Variants in NOX4 observed in about 807,000 individuals in gnomAD.
NOX4 encodes NADPH oxidase 4, also known as kidney oxidase-1.
In NOX4, 69 loss-of-function variants were observed where a neutral mutation model predicts 87.6. That is an observed-to-expected ratio of 0.79 (90% CI 0.65 to 0.96). The LOEUF (loss-of-function observed/expected upper bound fraction) is 0.96. Among genes scored for constraint, NOX4 ranks in the 40% least tolerant of loss-of-function variants. NOX4 has a pLI of 0.00. For synonymous variants in NOX4, 275 were observed against 238.2 expected (o/e 1.15, Z -1.42); for missense variants, 680 against 681.5 (o/e 1.00, Z 0.02).
At chr11:89,576,109 C>A in the NOX4 span, among the ~76,000 whole-genome samples, 1 of 152,180 alleles carries the variant, frequency 6.6e-6, no homozygotes, top group Non-Finnish European at 1.5e-5. Context: ...CCAGAGATAG[C>A]AGCAGTTAGT....
At chr11:89,510,148 T>G in the NOX4 span, among the ~76,000 whole-genome samples, 1 of 152,060 alleles carries the variant, frequency 6.6e-6, no homozygotes, top group Non-Finnish European at 1.5e-5. Context: ...AAGGAGATGG[T>G]CAGGCTTTCC....
upstream of NOX4, among the ~76,000 whole-genome samples, chr11:89,491,924 C>T (rs1027604172): frequency 4.6e-5 from 7 of 152,066 alleles, no homozygotes; most frequent in African/African-American, 1.4e-4. Flanking sequence ...AACTAAAGCC[C>T]CCCTGACAGC....
chr11:89,414,097 C>G (rs1427460561), intron 8 of NOX4, among the ~76,000 whole-genome samples: 3 of 151,958 alleles, frequency 2.0e-5, no homozygotes, highest in African/African-American at 4.8e-5. Flanking sequence ...TCAGGAAGCT[C>G]TATAAAAAAC....
the NOX4 span, among the ~76,000 whole-genome samples, chr11:89,578,387 C>T: frequency 3.2e-4 from 48 of 152,262 alleles, 1 homozygote; most frequent in African/African-American, 1.1e-3. Flanking sequence ...GTCCCTATCT[C>T]TTGACCTCGT....
At chr11:89,431,565 G>C (rs1565282932) in intron 7 of NOX4, among the ~76,000 whole-genome samples, 1 of 152,258 alleles carries the variant, frequency 6.6e-6, no homozygotes, top group East Asian at 1.9e-4. Context: ...CCTCTCAAAA[G>C]AAGACATTTA....
chr11:89,347,521 A>G (rs186782461), intron 13 of NOX4, among the ~76,000 whole-genome samples: 10 of 152,338 alleles, frequency 6.6e-5, no homozygotes, highest in African/African-American at 1.4e-4. Context: ...CCTCAAAGCA[A>G]CATTAGAAGG....
the NOX4 span, among the ~76,000 whole-genome samples, chr11:89,575,600 C>T: frequency 6.6e-6 from 1 of 152,226 alleles, no homozygotes; most frequent in Admixed American, 6.5e-5. Context: ...TATAATATAA[C>T]CTCTTCTCCC....
At chr11:89,494,508 G>A (rs1310639473), upstream of NOX4, among the ~76,000 whole-genome samples, 1 of 152,140 alleles carries the variant, frequency 6.6e-6, no homozygotes, top group African/African-American at 2.4e-5. Flanking sequence ...CAAAAATCCT[G>A]TCTTACTCCA....
the NOX4 span, among the ~76,000 whole-genome samples, chr11:89,512,885 C>T: frequency 6.6e-6 from 1 of 152,054 alleles, no homozygotes; most frequent in South Asian, 2.1e-4. Context: ...GAGTAGGATT[C>T]TATCTTGACT....
At chr11:89,402,014 T>C (rs1941885950) in intron 9 of NOX4, among the ~76,000 whole-genome samples, 1 of 152,118 alleles carries the variant, frequency 6.6e-6, no homozygotes, top group South Asian at 2.1e-4. Flanking sequence ...ACTATTTTTA[T>C]TATTCAATCA....
At chr11:89,535,343 C>T in the NOX4 span, among the ~76,000 whole-genome samples, 52,878 of 152,140 alleles carry the variant, frequency 0.35, 9,375 homozygotes, top group Middle Eastern at 0.38. Flanking sequence ...CTTTAACTGA[C>T]TTTCACTCTA....
chr11:89,354,487 G>A (rs920293425), intron 13 of NOX4, among the ~76,000 whole-genome samples: 22 of 152,078 alleles, frequency 1.4e-4, no homozygotes, highest in Admixed American at 5.3e-4. Context: ...TTTTCAATAC[G>A]ATAAATAAGA....
chr11:89,541,699 TTTC>T, the NOX4 span, among the ~76,000 whole-genome samples: 2 of 151,756 alleles, frequency 1.3e-5, no homozygotes, highest in African/African-American at 4.8e-5. Context: ...CTTTAAAAAA[TTTC>T]TTGAGAAGTT....
chr11:89,354,999 C>T lies in NOX4; in HGVS notation c.1180G>A (p.Glu394Lys), dbSNP rs201650166. The change falls in exon 13 of 18, where the codon GAA becomes AAA. Residue 394 changes from glutamate to lysine, a missense_variant. Coordinates refer to ENST00000263317, the MANE Select transcript of NOX4 (RefSeq NM_016931.5). The part of the protein sequence containing the change: ...LLLPPSSQDS[E>K]ILPFIQSRNY... ...CTAGATTGAATGAAGGGCAGAATTT[C>T]GGAGTCTTGACTAGATGGAGGCAGT... 60 of 1,603,520 alleles carry T rather than the reference C, an allele frequency of 3.7e-5. No individual in the cohort carries two copies. The highest frequency in any genetic ancestry group is 4.2e-5 in the Non-Finnish European group (49 of 1,172,908).
chr11:89,503,110 A>T (rs560861090), upstream of NOX4, among the ~76,000 whole-genome samples: 5 of 152,132 alleles, frequency 3.3e-5, no homozygotes, highest in East Asian at 9.7e-4. Flanking sequence ...GAACAACAGT[A>T]GAGTAAGTGT....
chr11:89,470,767 C>A (rs563289199), intron 2 of NOX4, among the ~76,000 whole-genome samples: 1 of 152,092 alleles, frequency 6.6e-6, no homozygotes, highest in Non-Finnish European at 1.5e-5. Flanking sequence ...AGTAAACAGG[C>A]CTAACTGATG....
chr11:89,533,619 C>G, the NOX4 span: 1 of 150,026 alleles, frequency 6.7e-6, no homozygotes, highest in Non-Finnish European at 1.5e-5. Flanking sequence ...TTCTGTTAAG[C>G]CTTTAAGATT....
intron 9 of NOX4, among the ~76,000 whole-genome samples, chr11:89,401,252 C>G (rs1007907035): frequency 2.0e-5 from 3 of 152,050 alleles, no homozygotes; most frequent in Admixed American, 1.3e-4. Flanking sequence ...AGTAGCACTA[C>G]AAGACAAGGT....
chr11:89,462,657 C>T (rs114130146), intron 2 of NOX4, among the ~76,000 whole-genome samples: 1,980 of 152,108 alleles, frequency 0.013, 43 homozygotes, highest in African/African-American at 0.046. Context: ...AACAAAATCA[C>T]GTAACATCCT....
Sources: allele counts gnomAD v4.1 joint callset (sites outside exome capture counted in the v4.1 genomes callset), GRCh38; gene constraint gnomAD v4.1.1; transcripts MANE v1.5; gene names NCBI Gene and HGNC (gene_info 2026-07-23, HGNC 2026-07-21).